The following TACC1 variants were observed in gnomAD, a reference collection of about 807,000 sequenced individuals.
TACC1 encodes transforming acidic coiled-coil containing protein 1.
In TACC1, 48 loss-of-function variants were observed where a neutral mutation model predicts 84.4. The observed-to-expected ratio is 0.57, with a 90% confidence interval of 0.45 to 0.72. The LOEUF is 0.72. Among genes scored for constraint, TACC1 ranks in the 30% least tolerant of loss-of-function variants. The probability of loss-of-function intolerance (pLI) is 0.00; values close to 1 mark genes in which losing one functional copy is unlikely to be tolerated. For missense variants in TACC1, 920 were observed against 973.0 expected (o/e 0.95, Z 0.72); for synonymous variants, 372 against 376.3 (o/e 0.99, Z 0.13).
intron 3 of TACC1, among the ~76,000 whole-genome samples, chr8:38,774,371 G>A (rs1814363524): frequency 6.6e-6 from 1 of 152,218 alleles, no homozygotes; most frequent in Non-Finnish European, 1.5e-5. Context: ...GTTCAACACA[G>A]TGTTCAGCAG....
At chr8:38,748,860 A>T (rs1808515784) in intron 3 of TACC1, among the ~76,000 whole-genome samples, 1 of 152,108 alleles carries the variant, frequency 6.6e-6, no homozygotes, top group Admixed American at 6.6e-5. Context: ...TAAATCAATG[A>T]TCTTAATTTT....
intron 1 of TACC1, 47 bp from the exon 2 acceptor site, chr8:38,788,657 G>T (rs746551124): frequency 7.0e-7 from 1 of 1,422,078 alleles, no homozygotes; most frequent in South Asian, 1.2e-5. Context: ...AAAGGGTGTC[G>T]GAAATACCGT....
At chr8:38,765,163 CTTT>C (rs55673136) in intron 3 of TACC1, among the ~76,000 whole-genome samples, 2 of 145,934 alleles carry the variant, frequency 1.4e-5, no homozygotes, top group Non-Finnish European at 3.0e-5. Context: ...GGCTTTGTTT[CTTT>C]TTTTTTTTAA....
intron 2 of TACC1, among the ~76,000 whole-genome samples, chr8:38,802,577 G>T (rs1821656527): frequency 2.6e-5 from 4 of 152,170 alleles, no homozygotes; most frequent in Admixed American, 2.6e-4. Flanking sequence ...AAAGGTTGGG[G>T]ACCACTGCTG....
At chr8:38,829,505 C>G (rs1828792753) in intron 5 of TACC1, among the ~76,000 whole-genome samples, 1 of 152,196 alleles carries the variant, frequency 6.6e-6, no homozygotes. Flanking sequence ...CACATCCCTT[C>G]AGGTCTCTCC....
At chr8:38,847,471 G>A (rs1028924074) in intron 12 of TACC1, among the ~76,000 whole-genome samples, 3 of 152,154 alleles carry the variant, frequency 2.0e-5, no homozygotes, top group Admixed American at 6.5e-5. Context: ...ATATGTCTCC[G>A]GTGTATTTTC....
At chr8:38,794,830 A>G (rs1294879313) in intron 2 of TACC1, among the ~76,000 whole-genome samples, 1 of 152,198 alleles carries the variant, frequency 6.6e-6, no homozygotes, top group East Asian at 1.9e-4. Context: ...AGGACCTTTC[A>G]TATTACCTAG....
chr8:38,749,051 C>T (rs188925874), intron 3 of TACC1, among the ~76,000 whole-genome samples: 1 of 151,756 alleles, frequency 6.6e-6, no homozygotes, highest in East Asian at 1.9e-4. Flanking sequence ...TCAAGACTGA[C>T]TGGCAAAGAA....
Position 38,819,578 on chromosome 8 carries a change from A to G in TACC1, c.334A>G (p.Lys112Glu). 1 of 1,614,234 alleles carries G rather than the reference A, an allele frequency of 6.2e-7. No homozygotes were observed. Among genetic ancestry groups the G allele is most frequent in the Middle Eastern group, 1.6e-4 (1 of 6,062 alleles). ...VAEVVEKCSS[K>E]TCSKPSENEV... Reference sequence around the variant, plus strand: ...AGAAGTGGTTGAAAAATGTTCATCTAAGACTTGTTCTAAACCTTCAGAAAA... The same window carrying G: ...AGAAGTGGTTGAAAAATGTTCATCTGAGACTTGTTCTAAACCTTCAGAAAA... Residue 112 changes from lysine (K) to glutamate (E), a missense_variant, in exon 3 of 13, where the codon AAG (lysine) becomes GAG (glutamate). Around this residue, in one of 2 missense-constraint regions of TACC1, gnomAD observed 762 missense variants for 747.3 expected, o/e 1.02. Transcript: ENST00000317827.
chr8:38,755,548 A>G (rs1227323630), intron 3 of TACC1, among the ~76,000 whole-genome samples: 1 of 151,928 alleles, frequency 6.6e-6, no homozygotes, highest in African/African-American at 2.4e-5. Flanking sequence ...ACCAAAAAAA[A>G]AGAAAATTAG....
At chr8:38,766,463 T>G (rs1812274895) in intron 3 of TACC1, among the ~76,000 whole-genome samples, 1 of 152,256 alleles carries the variant, frequency 6.6e-6, no homozygotes, top group Non-Finnish European at 1.5e-5. Context: ...TTTATCTGTC[T>G]TATACTCTGC....
intron 3 of TACC1, among the ~76,000 whole-genome samples, chr8:38,781,991 T>A (rs1816091030): frequency 1.3e-5 from 2 of 150,562 alleles, no homozygotes; most frequent in African/African-American, 4.9e-5. Flanking sequence ...TTTTTTATTT[T>A]TTATTATTTT....
intron 3 of TACC1, among the ~76,000 whole-genome samples, chr8:38,823,395 G>A (rs184105462): frequency 2.6e-5 from 4 of 152,246 alleles, no homozygotes; most frequent in Admixed American, 2.6e-4. Context: ...CACTGCCTAG[G>A]TACTTCCTCC....
At chr8:38,731,197 C>T (rs1243120374) in intron 1 of TACC1, among the ~76,000 whole-genome samples, 3 of 152,110 alleles carry the variant, frequency 2.0e-5, no homozygotes, top group Non-Finnish European at 4.4e-5. Context: ...CCTCAGCTGC[C>T]CAAAGTGTCA....
chr8:38,743,456 C>T (rs1807474663), intron 2 of TACC1, among the ~76,000 whole-genome samples: 1 of 152,142 alleles, frequency 6.6e-6, no homozygotes, highest in Admixed American at 6.6e-5. Context: ...TAGACATTTT[C>T]AGCTGCAGCT....
intron 2 of TACC1, among the ~76,000 whole-genome samples, chr8:38,800,865 T>G (rs1821187814): frequency 6.6e-6 from 1 of 152,212 alleles, no homozygotes; most frequent in South Asian, 2.1e-4. Flanking sequence ...TTTCTGCCAG[T>G]AGTATTTGAG....
At chr8:38,805,962 A>G (rs1171436018) in intron 2 of TACC1, among the ~76,000 whole-genome samples, 1 of 152,194 alleles carries the variant, frequency 6.6e-6, no homozygotes, top group Admixed American at 6.5e-5. Context: ...GCTTGGATTC[A>G]GCAATCTAGG....
intron 2 of TACC1, chr8:38,744,025 G>A (rs1393872326): frequency 6.6e-6 from 1 of 152,120 alleles, no homozygotes; most frequent in African/African-American, 2.4e-5. Flanking sequence ...TTGACGACTG[G>A]TCCGAAGGTA....
intron 3 of TACC1, among the ~76,000 whole-genome samples, chr8:38,778,126 T>G (rs1001032224): frequency 6.6e-6 from 1 of 152,180 alleles, no homozygotes; most frequent in African/African-American, 2.4e-5. Flanking sequence ...TGTGCATGTG[T>G]GTAGAGATGG....
Sources: gnomAD v4.1 joint callset for allele counts (sites outside exome capture counted in the v4.1 genomes callset) on GRCh38, gnomAD v4.1.1 for gene constraint, gnomAD v4.1.1 regional missense constraint, MANE v1.5 for transcripts, NCBI Gene and HGNC (gene_info 2026-07-23, HGNC 2026-07-21) for gene names.